Variants in TTC27 observed in about 807,000 individuals in gnomAD.
TTC27 encodes the protein tetratricopeptide repeat domain 27.
A neutral mutation model predicts 115.9 loss-of-function variants in TTC27; 79 were observed. The observed-to-expected ratio is 0.68, with a 90% CI of 0.57 to 0.82. The LOEUF is 0.82. Ranked by LOEUF, TTC27 falls within the 40% of genes least tolerant of loss-of-function variation. The pLI, the probability that TTC27 is intolerant of heterozygous loss-of-function variation, is 0.00. For synonymous variants in TTC27, 401 were observed against 356.0 expected (o/e 1.13, Z -1.42); for missense variants, 1,054 against 993.1 (o/e 1.06, Z -0.82).
chr2:32,795,725 G>GTAT (rs3081615), intron 16 of TTC27, among the ~76,000 whole-genome samples: 5,006 of 138,648 alleles, frequency 0.036, 96 homozygotes, highest in Middle Eastern at 0.059. Flanking sequence ...GCTAATTTTT[G>GTAT]TATTATTATT....
intron 12 of TTC27, among the ~76,000 whole-genome samples, chr2:32,741,257 T>G (rs980978211): frequency 3.9e-5 from 6 of 152,218 alleles, no homozygotes; most frequent in Non-Finnish European, 7.3e-5. Flanking sequence ...ACCATCCACC[T>G]GTGTACTCCT....
chr2:32,638,260 G>T (rs1282681310), intron 3 of TTC27, among the ~76,000 whole-genome samples: 1 of 152,074 alleles, frequency 6.6e-6, no homozygotes, highest in Non-Finnish European at 1.5e-5. Flanking sequence ...ATAACAGTAG[G>T]CTTTGTGGTT....
At chr2:32,687,002 A>G (rs1411846683) in intron 9 of TTC27, among the ~76,000 whole-genome samples, 3 of 151,836 alleles carry the variant, frequency 2.0e-5, no homozygotes, top group African/African-American at 7.3e-5. Flanking sequence ...GCACCACTAC[A>G]CCCAGCTAGT....
At chr2:32,642,763 G>A (rs1308560173) in intron 4 of TTC27, among the ~76,000 whole-genome samples, 1 of 151,862 alleles carries the variant, frequency 6.6e-6, no homozygotes, top group African/African-American at 2.4e-5. Context: ...CACCTCCTGG[G>A]CTGAAGCCAT....
intron 16 of TTC27, among the ~76,000 whole-genome samples, chr2:32,795,736 A>ATTATTATTATTATTATTATTG (rs1670680359): frequency 6.8e-6 from 1 of 146,634 alleles, no homozygotes; most frequent in Non-Finnish European, 1.5e-5. Context: ...TATTATTATT[A>ATTATTATTATTATTATTATTG]TTATTATTAT....
chr2:32,733,797 T>C (rs755559302), intron 10 of TTC27, 31 bp from the exon 11 acceptor site: 33 of 1,402,122 alleles, frequency 2.4e-5, no homozygotes, highest in Non-Finnish European at 3.3e-5. Flanking sequence ...GTTATACATA[T>C]AGATTCTGAT....
chr2:32,778,874 G>T (rs1670082274), intron 14 of TTC27, among the ~76,000 whole-genome samples: 1 of 152,136 alleles, frequency 6.6e-6, no homozygotes, highest in Non-Finnish European at 1.5e-5. Context: ...AGAGTTGCTG[G>T]ATCGTATGGT....
intron 10 of TTC27, among the ~76,000 whole-genome samples, chr2:32,711,666 G>T (rs1319895439): frequency 6.6e-6 from 1 of 152,178 alleles, no homozygotes; most frequent in Non-Finnish European, 1.5e-5. Context: ...AAGGCTGGGG[G>T]CGGTGGCTCA....
At chr2:32,790,738 G>A (rs966696186) in intron 16 of TTC27, among the ~76,000 whole-genome samples, 1 of 149,510 alleles carries the variant, frequency 6.7e-6, no homozygotes, top group South Asian at 2.1e-4. Flanking sequence ...ACCCCACCCT[G>A]ACGCTAGTGA....
intron 9 of TTC27, among the ~76,000 whole-genome samples, chr2:32,681,092 A>G (rs1323350213): frequency 6.6e-6 from 1 of 152,042 alleles, no homozygotes; most frequent in Non-Finnish European, 1.5e-5. Context: ...CCCTCTTACA[A>G]TCAGAACCAT....
At chr2:32,788,566 TCCTGTG>T (rs1046599362) in intron 16 of TTC27, among the ~76,000 whole-genome samples, 17 of 152,202 alleles carry the variant, frequency 1.1e-4, no homozygotes, top group Non-Finnish European at 2.5e-4. Flanking sequence ...TAATCTTCTG[TCCTGTG>T]CCTCCATTTT....
At chr2:32,709,124 A>T (rs1667486617) in intron 10 of TTC27, among the ~76,000 whole-genome samples, 1 of 152,232 alleles carries the variant, frequency 6.6e-6, no homozygotes, top group South Asian at 2.1e-4. Context: ...TTGATGAATG[A>T]TAAATTTTGG....
At chr2:32,728,075 C>T (rs1357172360) in intron 10 of TTC27, among the ~76,000 whole-genome samples, 4 of 138,404 alleles carry the variant, frequency 2.9e-5, no homozygotes, top group Non-Finnish European at 6.1e-5. Context: ...CAGAGTCTCG[C>T]TGTCGCCCAG....
rs190407568 is a variant in TTC27 at position 32,748,836 on chromosome 2, C to T, written c.1453-9456C>T. Among the ~76,000 whole-genome samples, 13 of 151,940 alleles carry T rather than the reference C, an allele frequency of 8.6e-5. No homozygotes were observed. In the East Asian group the frequency reaches 1.2e-3, roughly 14 times the overall value. On this transcript the variant is annotated intron_variant, in intron 12 of 19. Transcript: ENST00000317907. The stretch of plus-strand genomic sequence containing the variant: ...CTGGGTAGCTGGGATTACAGGTTTA[C>T]GCCACCATGCCCGGCTAATTTTTGT...
At chr2:32,731,454 A>G (rs561742955) in intron 10 of TTC27, among the ~76,000 whole-genome samples, 1 of 152,268 alleles carries the variant, frequency 6.6e-6, no homozygotes, top group South Asian at 2.1e-4. Flanking sequence ...AGCTCACTGC[A>G]GCCTTGACCT....
chr2:32,649,304 A>T (rs901709948), intron 4 of TTC27, among the ~76,000 whole-genome samples: 1 of 152,152 alleles, frequency 6.6e-6, no homozygotes, highest in African/African-American at 2.4e-5. Context: ...TGAGGAGGAT[A>T]TAGAGATGAA....
chr2:32,816,979 G>A (rs528951278), intron 18 of TTC27, among the ~76,000 whole-genome samples: 15 of 152,228 alleles, frequency 9.9e-5, no homozygotes, highest in African/African-American at 2.4e-4. Flanking sequence ...ACATGTGTGC[G>A]TGTGTGTGCT....
At chr2:32,780,081 AC>A (rs762012212) in intron 14 of TTC27, 13 of 466,428 alleles carry the variant, frequency 2.8e-5, no homozygotes, top group South Asian at 2.0e-4. Flanking sequence ...TGTCTTGTTT[AC>A]AGAAACTTTG....
intron 10 of TTC27, among the ~76,000 whole-genome samples, chr2:32,723,971 C>CTTTGTTTTTTTTTTTTTTTTT (rs1668026177): frequency 1.1e-5 from 1 of 92,436 alleles, no homozygotes; most frequent in Non-Finnish European, 2.2e-5. Flanking sequence ...CATACATAAG[C>CTTTGTTTTTTTTTTTTTTTTT]TTTTTTTTTT....
Sources: allele counts gnomAD v4.1 joint callset (sites outside exome capture counted in the v4.1 genomes callset), GRCh38; gene constraint gnomAD v4.1.1; transcripts MANE v1.5; gene names NCBI Gene and HGNC (gene_info 2026-07-23, HGNC 2026-07-21).